Variants in ULBP2 observed in about 807,000 individuals in gnomAD.
ULBP2 encodes UL16 binding protein 2.
A neutral mutation model predicts 23.6 loss-of-function variants in ULBP2; 21 were observed. That is an observed-to-expected ratio of 0.89 (90% confidence interval 0.63 to 1.28). The LOEUF (loss-of-function observed/expected upper bound fraction) is 1.28, where lower values mean the gene tolerates loss of function less well. Ranked by LOEUF, ULBP2 falls within the 50% of genes most tolerant of loss-of-function variation. The pLI is 0.00. For missense variants in ULBP2, 251 were observed against 306.0 expected (o/e 0.82, Z 1.34); for synonymous variants, 82 against 112.8 (o/e 0.73, Z 1.73).
chr6:149,948,192 G>A (rs1328111058), intron 4 of ULBP2, among the ~76,000 whole-genome samples: 2 of 152,172 alleles, frequency 1.3e-5, no homozygotes, highest in African/African-American at 4.8e-5. Flanking sequence ...AGGAAGGGGG[G>A]TCTGAGCTGC....
intron 2 of ULBP2, 54 bp downstream of exon 2, chr6:149,945,626 G>C: frequency 1.2e-6 from 2 of 1,613,350 alleles, no homozygotes; most frequent in South Asian, 2.2e-5. Context: ...GTAGGTTAGA[G>C]GCATTTATAG....
At chr6:149,942,812 T>C (rs1200300421) in intron 1 of ULBP2, among the ~76,000 whole-genome samples, 1 of 151,728 alleles carries the variant, frequency 6.6e-6, no homozygotes, top group Non-Finnish European at 1.5e-5. Context: ...CCTCACCACC[T>C]CCTACACCAC....
rs1399082884 is a variant in ULBP2, at chr6:149,946,365, G to A, written c.350-7G>A. The stretch of plus-strand genomic sequence containing the variant: ...GATCAGAGCTGATCTCTCTCTGATG[G>A]GGGCAGAACCCCTCACCCTGCAGGC... On this transcript the variant is annotated splice_region_variant and splice_polypyrimidine_tract_variant and intron_variant, in intron 2 of 4. Transcript: ENST00000367351. 2.5e-6 allele frequency: 4 copies of A among 1,609,608 alleles called. No individual in the cohort carries two copies. Among genetic ancestry groups the A allele is most frequent in the South Asian group, 2.2e-5 (2 of 90,812 alleles).
At chr6:149,947,206 G>C (rs1369872858) in intron 3 of ULBP2, 114 bp from the exon 4 acceptor site, 1 of 1,593,868 alleles carries the variant, frequency 6.3e-7, no homozygotes, top group African/African-American at 1.3e-5. Context: ...ACACCAGGGG[G>C]GAGAGGACAA....
At chr6:149,945,888 C>A (rs1323673764) in intron 2 of ULBP2, among the ~76,000 whole-genome samples, 9 of 144,442 alleles carry the variant, frequency 6.2e-5, no homozygotes, top group Non-Finnish European at 8.9e-5. Context: ...CTGCAGTGAG[C>A]CGAGGTGGTG....
intron 1 of ULBP2, among the ~76,000 whole-genome samples, chr6:149,942,523 G>T (rs992282967): frequency 3.9e-5 from 6 of 152,042 alleles, no homozygotes; most frequent in African/African-American, 1.5e-4. Flanking sequence ...GGGGTGAAGC[G>T]GGATTCCACA....
chr6:149,942,058 C>G lies in ULBP2; in HGVS notation c.-15C>G, dbSNP rs1450653853. 1.9e-6 allele frequency: 3 copies of G among 1,612,230 alleles called. No homozygotes were observed. Among genetic ancestry groups the G allele is most frequent in the Non-Finnish European group, 2.5e-6 (3 of 1,179,180 alleles). Reference sequence around the variant, plus strand: ...CTTCCATCAAGTCTCTCATCCCTAGCGCTCTGGGTCCTTAATGGCAGCAGC... The same window carrying G: ...CTTCCATCAAGTCTCTCATCCCTAGGGCTCTGGGTCCTTAATGGCAGCAGC... On this transcript the variant is annotated 5_prime_UTR_variant, in exon 1 of 5. Coordinates refer to ENST00000367351, the MANE Select transcript of ULBP2 (RefSeq NM_025217.4).
At chr6:149,945,609 T>C (rs1778926279) in intron 2 of ULBP2, 37 bp downstream of exon 2, 5 of 1,613,808 alleles carry the variant, frequency 3.1e-6, no homozygotes, top group East Asian at 2.2e-5. Flanking sequence ...AGGGAACAGA[T>C]ACAGTGGTAG....
rs1778985968 is a variant in ULBP2, at chr6:149,949,137, A to T, written c.*437A>T. 4 of 155,878 alleles carry T rather than the reference A, an allele frequency of 2.6e-5. No individual in the cohort carries two copies. Among genetic ancestry groups the T allele is most frequent in the Non-Finnish European group, 5.7e-5 (4 of 70,520 alleles). The allele number at this position is 155,878 out of a possible 1,614,324, so 9.7% of individuals were successfully genotyped here. A position where few individuals can be genotyped will look rare whatever the true frequency, so the allele number is the denominator to read the frequency against. On this transcript the variant is annotated 3_prime_UTR_variant, in exon 5 of 5. Coordinates refer to ENST00000367351, the MANE Select transcript of ULBP2 (RefSeq NM_025217.4). ...TTCCGTGTCCTGAAAGAGAATTTTT[A>T]AATTATTTAATAAGAAAAAATTTAT...
In ULBP2 at chr6:149,942,113, C is replaced by T. The variant is rs534824771; in HGVS notation, c.41C>T (p.Pro14Leu). The change falls in exon 1 of 5, where the codon CCG becomes CTG. Residue 14 changes from proline (P) to leucine (L), a missense_variant. Pro to Leu is a moderately conservative substitution (Grantham distance 98). Transcript: ENST00000367351. Reference protein sequence around the residue: ...AAATKILLCLPLLLLLSGWSR... With the variant: ...AAATKILLCLLLLLLLSGWSR... ...GCTACCAAGATCCTTCTGTGCCTCCCGCTTCTGCTCCTGCTGTCCGGCTGG... is the reference window on the plus strand; with the variant it reads ...GCTACCAAGATCCTTCTGTGCCTCCTGCTTCTGCTCCTGCTGTCCGGCTGG... 4 of 1,613,418 alleles carry T rather than the reference C, an allele frequency of 2.5e-6. No homozygotes were observed. Among genetic ancestry groups the T allele is most frequent in the South Asian group, 2.2e-5 (2 of 90,986 alleles).
chr6:149,946,415 T>C lies in ULBP2; in HGVS notation c.393T>C (p.Ala131=), dbSNP rs77923828. 7.0e-4 allele frequency: 1,123 copies of C among 1,614,146 alleles called. 4 individuals are homozygous for C. The African/African-American group carries it at 0.013, about 19-fold the overall frequency. Residue 131 remains alanine, a synonymous_variant, in exon 3 of 5, where the codon GCT becomes GCC. Transcript: ENST00000367351. ...CAAGGATGTCTTGTGAGCAGAAAGCTGAAGGACACAGCAGTGGATCTTGGC... is the reference window on the plus strand; with the variant it reads ...CAAGGATGTCTTGTGAGCAGAAAGCCGAAGGACACAGCAGTGGATCTTGGC... ...LQARMSCEQK[A]EGHSSGSWQF...
intron 2 of ULBP2, 146 bp downstream of exon 2, chr6:149,945,718 C>G: frequency 1.7e-5 from 25 of 1,494,638 alleles, no homozygotes; most frequent in Non-Finnish European, 2.1e-5. Flanking sequence ...AGAGGTGGGC[C>G]GATCACAAGG....
Position 149,945,524 on chromosome 6 carries a change from C to T in ULBP2, c.301C>T (p.Leu101Phe). Residue 101 changes from leucine to phenylalanine, a missense_variant, in exon 2 of 5, where the codon CTT becomes TTT. By Grantham distance (22) the Leu-to-Phe change is conservative (BLOSUM62 0). Transcript: ENST00000367351. ...AGTACTGAGAGAGGTGGTGGACATA[C>T]TTACAGAGCAACTGCGTGACATTCA... Reference protein sequence around the residue: ...NPVLREVVDILTEQLRDIQLE... With the variant: ...NPVLREVVDIFTEQLRDIQLE... The T allele has an allele frequency of 6.2e-7, 1 of 1,614,042 alleles. No individual in the cohort carries two copies. Among genetic ancestry groups the T allele is most frequent in the East Asian group, 2.2e-5 (1 of 44,886 alleles).
At chr6:149,946,753 A>T (rs115974291) in intron 3 of ULBP2, 100 bp downstream of exon 3, 1 of 1,556,458 alleles carries the variant, frequency 6.4e-7, no homozygotes. Flanking sequence ...CAGTATACAC[A>T]TTCACGTTAA....
intron 1 of ULBP2, among the ~76,000 whole-genome samples, chr6:149,942,861 C>T (rs921411391): frequency 6.6e-6 from 1 of 152,108 alleles, no homozygotes; most frequent in African/African-American, 2.4e-5. Flanking sequence ...CACACCCCAG[C>T]AAACACACCC....
chr6:149,945,187 G>C, intron 1 of ULBP2, 122 bp from the exon 2 acceptor site: 2 of 1,178,344 alleles, frequency 1.7e-6, no homozygotes, highest in Non-Finnish European at 2.4e-6. Flanking sequence ...AGTTCTGGAG[G>C]GGGCACTCCT....
At chr6:149,944,089 C>T (rs1386357281) in intron 1 of ULBP2, among the ~76,000 whole-genome samples, 5 of 152,060 alleles carry the variant, frequency 3.3e-5, no homozygotes, top group African/African-American at 1.2e-4. Flanking sequence ...GACTCACTGT[C>T]CTGGCTGCAG....
intron 2 of ULBP2, among the ~76,000 whole-genome samples, 167 bp downstream of exon 2, chr6:149,945,739 G>C (rs889450575): frequency 6.6e-6 from 1 of 152,028 alleles, no homozygotes; most frequent in Non-Finnish European, 1.5e-5. Flanking sequence ...TCAGGAATTC[G>C]AGACCAGCCT....
intron 3 of ULBP2, 82 bp downstream of exon 3, chr6:149,946,735 A>AAGT (rs1778948533): frequency 1.3e-6 from 2 of 1,586,794 alleles, no homozygotes; most frequent in Non-Finnish European, 1.7e-6. Context: ...GTTCAGCTTC[A>AAGT]ATCATCCCAG....
Sources: gnomAD v4.1 joint callset for allele counts (sites outside exome capture counted in the v4.1 genomes callset) on GRCh38, gnomAD v4.1.1 for gene constraint, MANE v1.5 for transcripts, NCBI Gene and HGNC (gene_info 2026-07-23, HGNC 2026-07-21) for gene names.